ARL13B: variants seen among roughly 807,000 people sequenced by gnomAD.
The protein encoded by ARL13B is ADP-ribosylation factor-like protein 13B.
A neutral mutation model predicts 56.1 loss-of-function variants in ARL13B; 36 were observed. The observed-to-expected ratio is 0.64, with a 90% CI of 0.49 to 0.85. ARL13B has a LOEUF of 0.85. ARL13B is among the 40% of genes least tolerant of loss of function. The probability of loss-of-function intolerance (pLI) is 0.00; values close to 1 mark genes in which losing one functional copy is unlikely to be tolerated. For synonymous variants in ARL13B, 178 were observed against 171.1 expected (o/e 1.04, Z -0.32); for missense variants, 519 against 507.1 (o/e 1.02, Z -0.23).
chr3:94,018,833 T>C (rs1575989023), intron 3 of ARL13B, among the ~76,000 whole-genome samples: 1 of 152,104 alleles, frequency 6.6e-6, no homozygotes, highest in Non-Finnish European at 1.5e-5. Context: ...TGGTGTGGTC[T>C]CGGCTCACTG....
chr3:94,046,595 G>T (rs910292585), intron 7 of ARL13B, among the ~76,000 whole-genome samples: 1 of 151,868 alleles, frequency 6.6e-6, no homozygotes, highest in African/African-American at 2.4e-5. Context: ...TGGGCATTCA[G>T]GTGTATACTG....
chr3:93,987,371 A>G (rs1710521897), intron 1 of ARL13B, among the ~76,000 whole-genome samples: 1 of 152,192 alleles, frequency 6.6e-6, no homozygotes, highest in South Asian at 2.1e-4. Flanking sequence ...ATTCTCACTT[A>G]GGAGATCTAT....
chr3:94,043,227 A>G lies in ARL13B; in HGVS notation c.1011A>G (p.Pro337=), dbSNP rs371972021. ...QLKNEDETDR[P]SLESANGKKK... is the part of the protein sequence containing the mutation. Reference sequence around the variant, plus strand: ...AGAATGAAGATGAGACAGACCGGCCATCATTGGAATCAGGTAATAAATCTA... The same window carrying G: ...AGAATGAAGATGAGACAGACCGGCCGTCATTGGAATCAGGTAATAAATCTA... Residue 337 remains proline (P), a synonymous_variant, in exon 7 of 10, where the codon CCA becomes CCG. Coordinates refer to ENST00000394222, the MANE Select transcript of ARL13B (RefSeq NM_001174150.2). 2 of 1,612,634 alleles carry G rather than the reference A, an allele frequency of 1.2e-6. No individual in the cohort carries two copies. The highest frequency in any genetic ancestry group is 1.7e-6 in the Non-Finnish European group (2 of 1,179,362).
At position 94,054,258 on chromosome 3, in the gene ARL13B, T is replaced by A. The variant is rs1296773592; in HGVS notation, c.*995T>A. On this transcript the variant is annotated 3_prime_UTR_variant, in exon 10 of 10. Coordinates refer to ENST00000394222, the MANE Select transcript of ARL13B (RefSeq NM_001174150.2). ...CTACTGCAGGTCCAGAGACTTCTGT[T>A]TTACAACTGGGAAACAGCTTGTGTA... The A allele has an allele frequency of 2.2e-6, 1 of 452,146 alleles. No homozygotes were observed. The highest frequency in any genetic ancestry group is 2.4e-5 in the Admixed American group (1 of 42,534). The allele number at this position is 452,146 out of a possible 1,614,324, so 28.0% of individuals were successfully genotyped here.
At chr3:93,982,086 C>T (rs181182063) in intron 1 of ARL13B, among the ~76,000 whole-genome samples, 5 of 152,068 alleles carry the variant, frequency 3.3e-5, no homozygotes, top group African/African-American at 9.6e-5. Flanking sequence ...GTTCTTTTAA[C>T]GAGAAACAGT....
At position 94,003,782 on chromosome 3, in the gene ARL13B, A is replaced by T. The variant is rs772707679; in HGVS notation, c.254A>T (p.Tyr85Phe). Residue 85 changes from tyrosine to phenylalanine, a missense_variant, in exon 3 of 10, where the codon TAC becomes TTC. Tyr to Phe is a conservative substitution (Grantham distance 22, BLOSUM62 3). Transcript: ENST00000394222. ...GIRIRGIWKN[Y>F]YAESYGVIFV... ...AGAATTCGGGGAATCTGGAAGAATT[A>T]CTATGCTGAATCCTATGGGGTAATA... The T allele has an allele frequency of 6.2e-7, 1 of 1,613,694 alleles. No individual in the cohort carries two copies. Among genetic ancestry groups the T allele is most frequent in the Non-Finnish European group, 8.5e-7 (1 of 1,179,776 alleles).
intron 2 of ARL13B, 37 bp from the exon 3 acceptor site, chr3:94,003,615 TTAAAGTC>T: frequency 6.2e-7 from 1 of 1,602,998 alleles, no homozygotes; most frequent in South Asian, 1.1e-5. Context: ...ACGTTGTCAA[TTAAAGTC>T]TAAAGATTTT....
chr3:94,043,330 A>G, intron 7 of ARL13B, 90 bp downstream of exon 7: 1 of 1,169,944 alleles, frequency 8.5e-7, no homozygotes, highest in Non-Finnish European at 1.2e-6. Context: ...GTTTTTACAA[A>G]CGAGTACTTC....
intron 2 of ARL13B, among the ~76,000 whole-genome samples, chr3:94,002,660 C>G (rs1239189426): frequency 1.3e-5 from 2 of 152,170 alleles, no homozygotes; most frequent in African/African-American, 4.8e-5. Flanking sequence ...TCATGCCTCT[C>G]TGAAAAGAGG....
At chr3:94,014,420 A>C in intron 3 of ARL13B, 1 of 1,575,472 alleles carries the variant, frequency 6.3e-7, no homozygotes, top group Non-Finnish European at 8.6e-7. Context: ...CACCAACAAC[A>C]CAGTACTCTG....
In ARL13B at chr3:94,053,461, A is replaced by G. The variant is rs1181599601; in HGVS notation, c.*198A>G. The stretch of plus-strand genomic sequence containing the variant: ...TCATGGTTAAAAAAATAAAAGAAGC[A>G]CAATGACCAGTACATGAAATCAGCA... On this transcript the variant is annotated 3_prime_UTR_variant, in exon 10 of 10. Transcript: ENST00000394222. The G allele has an allele frequency of 2.9e-6, 2 of 685,236 alleles. No individual in the cohort carries two copies. Among genetic ancestry groups the G allele is most frequent in the African/African-American group, 1.8e-5 (1 of 56,752 alleles). The allele number at this position is 685,236 out of a possible 1,614,324, so 42.4% of individuals were successfully genotyped here.
chr3:93,986,599 C>T (rs1368056043), intron 1 of ARL13B, among the ~76,000 whole-genome samples: 1 of 151,960 alleles, frequency 6.6e-6, no homozygotes, highest in Non-Finnish European at 1.5e-5. Context: ...AATAGAGTTC[C>T]GATGTGTCAA....
chr3:94,011,931 T>C (rs1377352075), intron 3 of ARL13B, among the ~76,000 whole-genome samples: 1 of 152,190 alleles, frequency 6.6e-6, no homozygotes, highest in Admixed American at 6.5e-5. Flanking sequence ...TTGAAACTGC[T>C]CTTCTTGAAG....
chr3:94,035,354 A>G lies in ARL13B; in HGVS notation c.404A>G (p.Glu135Gly). ...AGGTTGGCAAATAAACAAGATAAAG[A>G]AGGAGCTTTAGGAGAAGCTGATGTC... ...ILVLANKQDK[E>G]GALGEADVIE... The change falls in exon 4 of 10, where the codon GAA (glutamate) becomes GGA (glycine). Residue 135 changes from glutamate to glycine, a missense_variant. Transcript: ENST00000394222. 4 of 1,611,580 alleles carry G rather than the reference A, an allele frequency of 2.5e-6. No homozygotes were observed. Among genetic ancestry groups the G allele is most frequent in the Admixed American group, 1.7e-5 (1 of 59,758 alleles).
chr3:94,035,385 A>G lies in ARL13B; in HGVS notation c.435A>G (p.Glu145=). ...CTTTAGGAGAAGCTGATGTCATTGAATGTCTATCTCTGGAAAAATTGGTCA... is the reference window on the plus strand; with the variant it reads ...CTTTAGGAGAAGCTGATGTCATTGAGTGTCTATCTCTGGAAAAATTGGTCA... The part of the protein sequence containing the change: ...EGALGEADVI[E]CLSLEKLVNE... The change falls in exon 4 of 10, where the codon GAA becomes GAG. Residue 145 remains glutamate (E), a synonymous_variant. Coordinates refer to ENST00000394222, the MANE Select transcript of ARL13B (RefSeq NM_001174150.2). 1 of 1,608,978 alleles carries G rather than the reference A, an allele frequency of 6.2e-7. No homozygotes were observed. The highest frequency in any genetic ancestry group is 1.1e-5 in the South Asian group (1 of 89,078).
At chr3:94,013,388 A>G (rs1057178473) in intron 3 of ARL13B, among the ~76,000 whole-genome samples, 5 of 152,204 alleles carry the variant, frequency 3.3e-5, no homozygotes, top group African/African-American at 9.6e-5. Context: ...TTTAGACTGT[A>G]TCTCTAGCTT....
intron 1 of ARL13B, among the ~76,000 whole-genome samples, chr3:93,982,391 A>G (rs1710263467): frequency 6.6e-6 from 1 of 152,226 alleles, no homozygotes; most frequent in Admixed American, 6.5e-5. Flanking sequence ...TGAGCACTTG[A>G]AATGTGGCTA....
At chr3:93,992,473 T>C (rs1398585547) in intron 1 of ARL13B, among the ~76,000 whole-genome samples, 1 of 152,220 alleles carries the variant, frequency 6.6e-6, no homozygotes, top group Non-Finnish European at 1.5e-5. Context: ...TTATCTCATG[T>C]TACTGTAATT....
chr3:94,003,955 C>T, intron 3 of ARL13B, 47 bp downstream of exon 3: 2 of 1,609,906 alleles, frequency 1.2e-6, no homozygotes, highest in Admixed American at 1.7e-5. Context: ...ATGGCATTGG[C>T]CACTAAAGAA....
Sources: gnomAD v4.1 joint callset for allele counts (sites outside exome capture counted in the v4.1 genomes callset) on GRCh38, gnomAD v4.1.1 for gene constraint, MANE v1.5 for transcripts, NCBI Gene and HGNC (gene_info 2026-07-23, HGNC 2026-07-21) for gene names.